Variants in USP15 observed in about 807,000 individuals in gnomAD.
The protein encoded by USP15 is ubiquitin carboxyl-terminal hydrolase 15.
Under a neutral mutation model 127.1 loss-of-function variants are expected in USP15, and 18 were observed. The ratio of observed to expected loss-of-function variants is 0.14; its 90% CI spans 0.10 to 0.21. USP15 has a LOEUF of 0.21. USP15 is among the 10% of genes least tolerant of loss of function. The pLI is 1.00. For synonymous variants in USP15, 364 were observed against 393.7 expected (o/e 0.92, Z 0.89); for missense variants, 805 against 1,159.9 (o/e 0.69, Z 4.44).
intron 6 of USP15, among the ~76,000 whole-genome samples, chr12:62,330,102 GAAAC>G (rs2065245739): frequency 1.3e-5 from 2 of 151,992 alleles, no homozygotes; most frequent in South Asian, 2.1e-4. Flanking sequence ...TTGAGAGAAA[GAAAC>G]AATGAGATTC....
chr12:62,296,812 T>C (rs994436160), intron 2 of USP15, among the ~76,000 whole-genome samples: 3 of 152,184 alleles, frequency 2.0e-5, no homozygotes, highest in African/African-American at 7.2e-5. Flanking sequence ...CAAGAGAGAT[T>C]GTCTCAGATC....
intron 3 of USP15, chr12:62,305,758 C>T (rs2137210671): frequency 6.6e-6 from 1 of 152,256 alleles, no homozygotes; most frequent in African/African-American, 2.4e-5. Flanking sequence ...CCTGGTGATC[C>T]CCAGCTCCTC....
At chr12:62,387,282 C>A (rs549025264) in intron 11 of USP15, among the ~76,000 whole-genome samples, 10 of 152,124 alleles carry the variant, frequency 6.6e-5, no homozygotes, top group African/African-American at 2.4e-4. Flanking sequence ...CTAAGGTGAC[C>A]CCGTGATTTA....
intron 6 of USP15, among the ~76,000 whole-genome samples, chr12:62,338,808 T>C (rs1362337431): frequency 6.6e-6 from 1 of 152,142 alleles, no homozygotes; most frequent in Non-Finnish European, 1.5e-5. Context: ...CTGGGGTCTC[T>C]GTTCTGTTGC....
chr12:62,266,041 T>C (rs543211068), intron 1 of USP15, among the ~76,000 whole-genome samples: 1 of 152,336 alleles, frequency 6.6e-6, no homozygotes, highest in East Asian at 1.9e-4. Context: ...CTTCTGGATA[T>C]TAAAACATGC....
At chr12:62,345,757 T>C (rs1173063619) in intron 6 of USP15, among the ~76,000 whole-genome samples, 1 of 152,096 alleles carries the variant, frequency 6.6e-6, no homozygotes, top group East Asian at 1.9e-4. Context: ...TGGGGGGGCC[T>C]CACAATCATG....
At chr12:62,281,086 G>A (rs1002025533) in intron 1 of USP15, among the ~76,000 whole-genome samples, 1 of 152,098 alleles carries the variant, frequency 6.6e-6, no homozygotes, top group African/African-American at 2.4e-5. Flanking sequence ...TGTTGATTCC[G>A]TTCTAGTATT....
chr12:62,299,868 T>C (rs1421254369), intron 2 of USP15, among the ~76,000 whole-genome samples: 1 of 152,220 alleles, frequency 6.6e-6, no homozygotes, highest in Non-Finnish European at 1.5e-5. Context: ...CAAGTGGGTG[T>C]GAAGTGGTAT....
At position 62,351,903 on chromosome 12, in the gene USP15, T is replaced by G. The variant is rs1472635618; in HGVS notation, c.770+2596T>G. ...ATGGAAAGTTTTTTTTTTTTAACTT[T>G]AAAAAACTTGAATTCTATCGTATTT... On this transcript the variant is annotated intron_variant, in intron 7 of 21. Coordinates refer to ENST00000280377, the MANE Select transcript of USP15 (RefSeq NM_001252078.2). Among the ~76,000 whole-genome samples, 3 of 151,970 alleles carry G rather than the reference T, an allele frequency of 2.0e-5. No individual in the cohort carries two copies. The East Asian group carries it at 5.8e-4, about 29-fold the overall frequency.
intron 4 of USP15, among the ~76,000 whole-genome samples, chr12:62,318,771 T>A (rs1039297706): frequency 1.3e-5 from 2 of 152,354 alleles, no homozygotes; most frequent in African/African-American, 4.8e-5. Flanking sequence ...CCTTAGGCTC[T>A]GTCATTCTTC....
chr12:62,312,778 C>G (rs2064721004), intron 3 of USP15, among the ~76,000 whole-genome samples: 1 of 151,312 alleles, frequency 6.6e-6, no homozygotes, highest in Non-Finnish European at 1.5e-5. Flanking sequence ...TTGTTTCTTC[C>G]TGTTAGTCTT....
At chr12:62,377,824 T>A (rs1434756738) in intron 8 of USP15, among the ~76,000 whole-genome samples, 1 of 152,182 alleles carries the variant, frequency 6.6e-6, no homozygotes, top group Non-Finnish European at 1.5e-5. Context: ...TTTAATTGCT[T>A]GATTTTTTTT....
At chr12:62,402,383 G>A (rs1369399792) in intron 21 of USP15, among the ~76,000 whole-genome samples, 2 of 151,988 alleles carry the variant, frequency 1.3e-5, no homozygotes, top group African/African-American at 2.4e-5. Flanking sequence ...ATTACAGCAT[G>A]ATAAGTACTA....
chr12:62,364,668 T>G (rs1282327514), intron 8 of USP15, among the ~76,000 whole-genome samples: 1 of 152,086 alleles, frequency 6.6e-6, no homozygotes, highest in Non-Finnish European at 1.5e-5. Context: ...CTCATCAACC[T>G]GTCACCTTCA....
chr12:62,315,368 G>A (rs557413750), intron 4 of USP15, among the ~76,000 whole-genome samples: 13 of 151,960 alleles, frequency 8.6e-5, no homozygotes, highest in South Asian at 8.3e-4. Context: ...AATGAGTAGC[G>A]TAAGCAGTTG....
intron 6 of USP15, among the ~76,000 whole-genome samples, chr12:62,340,978 A>G (rs1486543692): frequency 6.6e-6 from 1 of 152,112 alleles, no homozygotes; most frequent in Non-Finnish European, 1.5e-5. Flanking sequence ...GTAGGGTGTT[A>G]AAGAGTCCCA....
chr12:62,374,727 A>G (rs997825106), intron 8 of USP15, among the ~76,000 whole-genome samples: 3 of 152,094 alleles, frequency 2.0e-5, no homozygotes, highest in Non-Finnish European at 4.4e-5. Context: ...CAGCAGTTAT[A>G]TTTTTTCAGA....
At chr12:62,335,420 T>C (rs1175741079) in intron 6 of USP15, 77 of 1,382,588 alleles carry the variant, frequency 5.6e-5, no homozygotes, top group African/African-American at 8.8e-5. Context: ...GTACTTTACC[T>C]GTCGACCACA....
At chr12:62,397,864 A>C (rs1044983710) in intron 20 of USP15, among the ~76,000 whole-genome samples, 1 of 152,000 alleles carries the variant, frequency 6.6e-6, no homozygotes, top group Non-Finnish European at 1.5e-5. Flanking sequence ...TCAAAAAAAA[A>C]AAAAAGTATC....
Sources: gnomAD v4.1 joint callset for allele counts (sites outside exome capture counted in the v4.1 genomes callset) on GRCh38, gnomAD v4.1.1 for gene constraint, MANE v1.5 for transcripts, NCBI Gene and HGNC (gene_info 2026-07-23, HGNC 2026-07-21) for gene names.